The following TUSC3 variants were observed in gnomAD, a reference collection of about 807,000 sequenced individuals.
TUSC3 encodes tumor suppressor candidate 3.
A neutral mutation model predicts 44.8 loss-of-function variants in TUSC3; 45 were observed. The ratio of observed to expected loss-of-function variants is 1.00; its 90% CI spans 0.79 to 1.29. The LOEUF (loss-of-function observed/expected upper bound fraction) is 1.29, where lower values mean the gene tolerates loss of function less well. TUSC3 is among the 50% of genes most tolerant of loss of function. The pLI is 0.00. For synonymous variants in TUSC3, 212 were observed against 152.9 expected (o/e 1.39, Z -2.85); for missense variants, 519 against 437.9 (o/e 1.19, Z -1.65).
chr8:15,670,081 A>G (rs962836635), intron 5 of TUSC3, among the ~76,000 whole-genome samples: 23 of 151,986 alleles, frequency 1.5e-4, no homozygotes, highest in African/African-American at 5.1e-4. Flanking sequence ...CACACTGAAA[A>G]CTGAAAAATC....
At chr8:15,516,872 T>A (rs1402523181) in intron 2 of TUSC3, among the ~76,000 whole-genome samples, 1 of 152,204 alleles carries the variant, frequency 6.6e-6, no homozygotes, top group Non-Finnish European at 1.5e-5. Flanking sequence ...AGTATAAATA[T>A]TAGAATGTTC....
intron 2 of TUSC3, among the ~76,000 whole-genome samples, chr8:15,626,075 C>T (rs1805496649): frequency 6.6e-6 from 1 of 152,134 alleles, no homozygotes; most frequent in Non-Finnish European, 1.5e-5. Context: ...GCAGGAGCAG[C>T]AGTGGCAGTG....
chr8:15,699,420 G>A (rs1047166739), intron 6 of TUSC3, among the ~76,000 whole-genome samples: 5 of 152,082 alleles, frequency 3.3e-5, no homozygotes, highest in African/African-American at 1.2e-4. Context: ...TTTCACTGAT[G>A]GTAGTGAAAC....
intron 7 of TUSC3, among the ~76,000 whole-genome samples, chr8:15,741,528 T>C (rs1435550899): frequency 1.3e-5 from 2 of 152,000 alleles, no homozygotes; most frequent in African/African-American, 4.8e-5. Flanking sequence ...TCTACTAAAA[T>C]ACTAAAGTTG....
intron 1 of TUSC3, among the ~76,000 whole-genome samples, chr8:15,457,434 G>A (rs1800271987): frequency 6.6e-6 from 1 of 151,676 alleles, no homozygotes; most frequent in African/African-American, 2.4e-5. Context: ...AGACCATGAT[G>A]CAAAACTATT....
At chr8:15,441,167 G>A (rs936819973) in intron 1 of TUSC3, among the ~76,000 whole-genome samples, 7 of 152,244 alleles carry the variant, frequency 4.6e-5, no homozygotes, top group Non-Finnish European at 8.8e-5. Context: ...AGCACTTTGG[G>A]AGGCTGAGAC....
chr8:15,847,980 G>C, the TUSC3 span, among the ~76,000 whole-genome samples: 4 of 152,104 alleles, frequency 2.6e-5, no homozygotes, highest in African/African-American at 9.7e-5. Context: ...TCACCAATCA[G>C]TAGGCCTAGG....
At chr8:15,563,679 C>T (rs1802560212) in intron 1 of TUSC3, among the ~76,000 whole-genome samples, 2 of 79,328 alleles carry the variant, frequency 2.5e-5, no homozygotes, top group Non-Finnish European at 5.4e-5. Flanking sequence ...GAGTGAGCCT[C>T]CATCTCAAAA....
At chr8:15,454,374 A>C (rs142230228) in intron 1 of TUSC3, among the ~76,000 whole-genome samples, 1 of 152,306 alleles carries the variant, frequency 6.6e-6, no homozygotes, top group Non-Finnish European at 1.5e-5. Flanking sequence ...GGAGGCAAGC[A>C]TCGAGGTTGC....
intron 7 of TUSC3, among the ~76,000 whole-genome samples, chr8:15,739,274 T>C (rs1811081797): frequency 6.6e-6 from 1 of 152,220 alleles, no homozygotes; most frequent in Admixed American, 6.5e-5. Context: ...TTTTTGTATG[T>C]ATATTAAGTT....
chr8:15,730,828 A>G, intron 7 of TUSC3, 99 bp downstream of exon 7: 1 of 1,193,870 alleles, frequency 8.4e-7, no homozygotes. Flanking sequence ...GACTTTTAAG[A>G]GACATTAAAT....
intron 2 of TUSC3, among the ~76,000 whole-genome samples, chr8:15,522,166 C>G (rs1801307909): frequency 1.3e-5 from 2 of 151,990 alleles, no homozygotes; most frequent in Admixed American, 6.6e-5. Flanking sequence ...GTCCAGGTAG[C>G]TTTACCAAGC....
intron 6 of TUSC3, among the ~76,000 whole-genome samples, chr8:15,687,104 C>G (rs1010641544): frequency 6.6e-6 from 1 of 152,072 alleles, no homozygotes; most frequent in African/African-American, 2.4e-5. Context: ...AATGGTAAGA[C>G]AAGAGTAATT....
At chr8:15,605,297 C>G (rs188356922) in intron 1 of TUSC3, among the ~76,000 whole-genome samples, 104 of 152,004 alleles carry the variant, frequency 6.8e-4, no homozygotes, top group Admixed American at 3.4e-3. Flanking sequence ...CTTTTAGTCA[C>G]TCTTTTTTTG....
intron 2 of TUSC3, among the ~76,000 whole-genome samples, chr8:15,648,899 C>CTT (rs1806759744): frequency 6.6e-6 from 1 of 151,888 alleles, no homozygotes; most frequent in Non-Finnish European, 1.5e-5. Context: ...CCGTGTGAGA[C>CTT]TTGGGGGATA....
intron 7 of TUSC3, among the ~76,000 whole-genome samples, chr8:15,734,719 G>C (rs1057431002): frequency 6.6e-6 from 1 of 152,184 alleles, no homozygotes; most frequent in East Asian, 1.9e-4. Context: ...CTAGAGAATT[G>C]GCACTGACTT....
chr8:15,745,757 G>A (rs1485532522), intron 8 of TUSC3, among the ~76,000 whole-genome samples: 2 of 151,580 alleles, frequency 1.3e-5, no homozygotes, highest in Admixed American at 1.3e-4. Flanking sequence ...TGTTTACTCT[G>A]TCTTGTTGTT....
chr8:15,683,765 T>G lies in TUSC3; in HGVS notation c.798+9929T>G, dbSNP rs142799467. Among the ~76,000 whole-genome samples, 159 of 152,302 alleles carry G rather than the reference T, an allele frequency of 1.0e-3. 1 individual carries two copies. Among genetic ancestry groups the G allele is most frequent in the Middle Eastern group, 0.01 (3 of 294 alleles). ...TTCCTTCTCAGAAGGAACTGGTGCT[T>G]CTTTTTCTTTTTGAATTTGCTGTTG... On this transcript the variant is annotated intron_variant, in intron 6 of 10. Transcript: ENST00000503731.
intron 1 of TUSC3, among the ~76,000 whole-genome samples, chr8:15,463,938 C>T (rs1380127919): frequency 6.6e-6 from 1 of 152,180 alleles, no homozygotes; most frequent in Non-Finnish European, 1.5e-5. Flanking sequence ...TGCGCTTGCA[C>T]ATTTCTTTAG....
Sources: gnomAD v4.1 joint callset for allele counts (sites outside exome capture counted in the v4.1 genomes callset) on GRCh38, gnomAD v4.1.1 for gene constraint, MANE v1.5 for transcripts, NCBI Gene and HGNC (gene_info 2026-07-23, HGNC 2026-07-21) for gene names.